The following ST8SIA1 variants were observed in gnomAD, a reference collection of about 807,000 sequenced individuals.
ST8SIA1 encodes the protein alpha-N-acetylneuraminide alpha-2,8-sialyltransferase.
In ST8SIA1, 16 loss-of-function variants were observed where a neutral mutation model predicts 35.9. The ratio of observed to expected loss-of-function variants is 0.45; its 90% CI spans 0.30 to 0.68. The LOEUF (loss-of-function observed/expected upper bound fraction) is 0.68. Ranked by LOEUF, ST8SIA1 falls within the 30% of genes least tolerant of loss-of-function variation. The pLI is 0.09. For missense variants in ST8SIA1, 383 were observed against 453.6 expected (o/e 0.84, Z 1.41); for synonymous variants, 170 against 169.6 (o/e 1.00, Z -0.02).
intron 1 of ST8SIA1, among the ~76,000 whole-genome samples, chr12:22,304,700 A>G (rs1866362451): frequency 6.6e-6 from 1 of 152,298 alleles, no homozygotes; most frequent in Middle Eastern, 3.4e-3. Context: ...TGTTTAAAAA[A>G]ACCTTTTTTA....
intron 1 of ST8SIA1, chr12:22,325,888 A>G (rs1866671145): frequency 1.4e-6 from 1 of 701,580 alleles, no homozygotes; most frequent in Non-Finnish European, 2.6e-6. Flanking sequence ...ACCAAGATGG[A>G]TATTAAGTGA....
At chr12:22,203,553 C>A (rs1428397022) in intron 4 of ST8SIA1, among the ~76,000 whole-genome samples, 1 of 152,198 alleles carries the variant, frequency 6.6e-6, no homozygotes, top group Admixed American at 6.5e-5. Flanking sequence ...CAGTAGCCTG[C>A]TTTCTTGATC....
intron 1 of ST8SIA1, among the ~76,000 whole-genome samples, chr12:22,314,600 T>C (rs1442616278): frequency 1.3e-5 from 2 of 152,174 alleles, no homozygotes; most frequent in East Asian, 3.8e-4. Context: ...ACCCAAGTAG[T>C]GTCAAACCTG....
At chr12:22,223,894 TG>T (rs1240324962) in intron 4 of ST8SIA1, 1 of 915,166 alleles carries the variant, frequency 1.1e-6, no homozygotes, top group African/African-American at 1.8e-5. Flanking sequence ...TATCTTCTTT[TG>T]CTTTCTACAT....
chr12:22,252,580 C>T (rs1348350970), intron 3 of ST8SIA1, among the ~76,000 whole-genome samples: 3 of 152,146 alleles, frequency 2.0e-5, no homozygotes, highest in Non-Finnish European at 4.4e-5. Flanking sequence ...AGTTATGGTG[C>T]TACCTTCTTT....
At chr12:22,209,657 C>T (rs536135486) in intron 4 of ST8SIA1, among the ~76,000 whole-genome samples, 1 of 152,312 alleles carries the variant, frequency 6.6e-6, no homozygotes, top group Non-Finnish European at 1.5e-5. Context: ...GGGCACCATC[C>T]ATCACTTCTT....
intron 3 of ST8SIA1, 122 bp from the exon 4 acceptor site, chr12:22,249,220 G>T (rs111740898): frequency 0.064 from 28,159 of 437,988 alleles, 891 homozygotes; most frequent in Non-Finnish European, 0.089. Flanking sequence ...TTTGTTTTTT[G>T]TTTTTTTTTT....
chr12:22,302,507 T>G (rs1356012665), intron 1 of ST8SIA1, among the ~76,000 whole-genome samples: 2 of 152,162 alleles, frequency 1.3e-5, no homozygotes, highest in African/African-American at 2.4e-5. Flanking sequence ...GCATGAGACT[T>G]CTCAACCTGC....
intron 2 of ST8SIA1, among the ~76,000 whole-genome samples, chr12:22,278,847 A>G (rs1190769183): frequency 6.6e-6 from 1 of 152,222 alleles, no homozygotes; most frequent in Non-Finnish European, 1.5e-5. Flanking sequence ...CTTACCCTCA[A>G]AAAGCACTTT....
In ST8SIA1 at chr12:22,194,059, T is replaced by C. The variant is rs541743935; in HGVS notation, c.*7493A>G. The stretch of plus-strand genomic sequence containing the variant: ...CTGGAATTTTAGTAATATTTCAGAC[T>C]TGTTAAAGATTAAGCAGGCTTTTTG... On this transcript the variant is annotated 3_prime_UTR_variant, in exon 5 of 5. Transcript: ENST00000396037. 55 of 152,340 alleles carry C rather than the reference T, an allele frequency of 3.6e-4. No homozygotes were observed. The highest frequency in any genetic ancestry group is 1.3e-3 in the African/African-American group (55 of 41,576). The allele number at this position is 152,340 out of a possible 1,614,324, so 9.4% of individuals were successfully genotyped here.
At position 22,292,643 on chromosome 12, in the gene ST8SIA1, T is replaced by C. The variant is rs188827484; in HGVS notation, c.237-5350A>G. ...CCATTATCCCAGGTGAGTTAATGGA[T>C]GAACAGAAAACAAATACTGCATGTT... is the stretch of plus-strand genomic sequence containing the variant. On this transcript the variant is annotated intron_variant, in intron 1 of 4. Transcript: ENST00000396037. 2.0e-5 allele frequency among the ~76,000 whole-genome samples: 3 copies of C among 152,214 alleles called. No homozygotes were observed. In the East Asian group the frequency reaches 5.8e-4, roughly 29 times the overall value.
At chr12:22,317,260 T>A (rs1469140988) in intron 1 of ST8SIA1, among the ~76,000 whole-genome samples, 2 of 152,348 alleles carry the variant, frequency 1.3e-5, no homozygotes, top group East Asian at 3.9e-4. Context: ...AAAGAGGATA[T>A]TGTTAAAAAC....
Position 22,211,981 on chromosome 12 carries a change from G to T in ST8SIA1, c.585-9943C>A, listed in dbSNP as rs554804688. ...GCACCTCGGCCTCCCAAAGTACTGG[G>T]ATTACAGGCATGAGCCACTGCACCC... On this transcript the variant is annotated intron_variant, in intron 4 of 4. Coordinates refer to ENST00000396037, the MANE Select transcript of ST8SIA1 (RefSeq NM_003034.4). Among the ~76,000 whole-genome samples, 4 of 152,250 alleles carry T rather than the reference G, an allele frequency of 2.6e-5. No individual in the cohort carries two copies. In the East Asian group the frequency reaches 7.7e-4, roughly 29 times the overall value.
At chr12:22,265,747 TCTC>T (rs915718966) in intron 2 of ST8SIA1, among the ~76,000 whole-genome samples, 1 of 152,150 alleles carries the variant, frequency 6.6e-6, no homozygotes, top group African/African-American at 2.4e-5. Flanking sequence ...CTTCTGTTCT[TCTC>T]CTCTTTCCAC....
chr12:22,221,641 CA>C (rs1230143441), intron 4 of ST8SIA1, among the ~76,000 whole-genome samples: 1 of 152,156 alleles, frequency 6.6e-6, no homozygotes, highest in East Asian at 1.9e-4. Context: ...CAGTAGACTG[CA>C]AAACAGTTGA....
chr12:22,243,427 C>T (rs1459456736), intron 4 of ST8SIA1, among the ~76,000 whole-genome samples: 1 of 152,128 alleles, frequency 6.6e-6, no homozygotes, highest in African/African-American at 2.4e-5. Flanking sequence ...TACTGCCTCA[C>T]TTCAATATTA....
intron 1 of ST8SIA1, among the ~76,000 whole-genome samples, chr12:22,296,827 C>T (rs946842222): frequency 5.3e-5 from 8 of 152,136 alleles, no homozygotes; most frequent in African/African-American, 1.9e-4. Context: ...GTTGGGCAGT[C>T]ATCGTAAGAA....
intron 1 of ST8SIA1, among the ~76,000 whole-genome samples, chr12:22,305,881 A>G (rs1303941723): frequency 6.6e-6 from 1 of 152,242 alleles, no homozygotes; most frequent in African/African-American, 2.4e-5. Flanking sequence ...TGAATTATTT[A>G]GTAAAATTAC....
At chr12:22,223,341 T>C (rs1439963278) in intron 4 of ST8SIA1, 1 of 174,994 alleles carries the variant, frequency 5.7e-6, no homozygotes, top group Non-Finnish European at 1.1e-5. Context: ...ATACATTTCT[T>C]ATAATTTGAA....
Sources: gnomAD v4.1 joint callset for allele counts (sites outside exome capture counted in the v4.1 genomes callset) on GRCh38, gnomAD v4.1.1 for gene constraint, MANE v1.5 for transcripts, NCBI Gene and HGNC (gene_info 2026-07-23, HGNC 2026-07-21) for gene names.